FAM13C: variants seen among roughly 807,000 people sequenced by gnomAD.
FAM13C encodes family with sequence similarity 13 member C, also known as protein FAM13C.
Under a neutral mutation model 73.2 loss-of-function variants are expected in FAM13C, and 37 were observed. The ratio of observed to expected loss-of-function variants is 0.51; its 90% confidence interval spans 0.39 to 0.67. The LOEUF is 0.67. Among genes scored for constraint, FAM13C ranks in the 30% least tolerant of loss-of-function variants. The probability of loss-of-function intolerance (pLI) is 0.00; values close to 1 mark genes in which losing one functional copy is unlikely to be tolerated. For missense variants in FAM13C, 589 were observed against 715.6 expected, an observed-to-expected ratio of 0.82 and a Z score of 2.02; for synonymous variants, 246 against 260.9, an observed-to-expected ratio of 0.94 and a Z score of 0.55.
intron 1 of FAM13C, among the ~76,000 whole-genome samples, chr10:59,360,139 A>G (rs1589747625): frequency 1.3e-5 from 2 of 152,334 alleles, no homozygotes; most frequent in East Asian, 3.9e-4. Flanking sequence ...TGACTCTTCT[A>G]GGACTCCCAG....
chr10:59,256,590 T>C (rs1841966809), intron 10 of FAM13C, among the ~76,000 whole-genome samples: 2 of 152,176 alleles, frequency 1.3e-5, no homozygotes, highest in East Asian at 1.9e-4. Flanking sequence ...CATACCCTCA[T>C]GCATAGTAAG....
chr10:59,302,032 GC>G (rs59884223), intron 5 of FAM13C, among the ~76,000 whole-genome samples: 152,326 of 152,326 alleles, frequency 1, 76,163 homozygotes, highest in Non-Finnish European at 1. Context: ...TTGCGGTAAA[GC>G]CCCATCATTT....
chr10:59,265,615 T>G (rs1221209862), intron 8 of FAM13C, among the ~76,000 whole-genome samples: 1 of 152,110 alleles, frequency 6.6e-6, no homozygotes, highest in Non-Finnish European at 1.5e-5. Context: ...TGAAATATGG[T>G]AAAAACAAAC....
At chr10:59,274,120 T>C (rs1191489164) in intron 6 of FAM13C, among the ~76,000 whole-genome samples, 2 of 152,010 alleles carry the variant, frequency 1.3e-5, no homozygotes, top group African/African-American at 4.8e-5. Flanking sequence ...GCCTTAGCAT[T>C]CTCAACCAGC....
At chr10:59,329,363 T>A (rs1851647363) in intron 3 of FAM13C, among the ~76,000 whole-genome samples, 1 of 74,542 alleles carries the variant, frequency 1.3e-5, no homozygotes, top group Non-Finnish European at 2.6e-5. Flanking sequence ...TTTTTTTTTT[T>A]TTTTTTTTTT....
intron 3 of FAM13C, among the ~76,000 whole-genome samples, chr10:59,331,096 T>C (rs2134097729): frequency 6.6e-6 from 1 of 152,310 alleles, no homozygotes; most frequent in South Asian, 2.1e-4. Flanking sequence ...TCCTAGTTCC[T>C]GCCCTCAGGG....
intron 5 of FAM13C, chr10:59,283,733 G>C (rs1845209023): frequency 1.8e-6 from 1 of 569,150 alleles, no homozygotes; most frequent in Non-Finnish European, 3.1e-6. Flanking sequence ...TGGATTATCT[G>C]TGACACATGG....
intron 3 of FAM13C, among the ~76,000 whole-genome samples, chr10:59,342,104 C>A (rs1160232622): frequency 6.6e-6 from 1 of 152,118 alleles, no homozygotes; most frequent in Non-Finnish European, 1.5e-5. Flanking sequence ...TTCCTATTGA[C>A]TTGATGACAG....
intron 4 of FAM13C, among the ~76,000 whole-genome samples, chr10:59,321,206 A>C (rs1024391378): frequency 6.6e-6 from 1 of 152,060 alleles, no homozygotes; most frequent in Non-Finnish European, 1.5e-5. Context: ...GAGTGAGCCC[A>C]ATCTATTCAC....
At chr10:59,312,698 CT>C (rs1181233317) in intron 4 of FAM13C, among the ~76,000 whole-genome samples, 1 of 152,200 alleles carries the variant, frequency 6.6e-6, no homozygotes, top group Non-Finnish European at 1.5e-5. Flanking sequence ...CACACTCCAG[CT>C]TTACTTGTCT....
intron 3 of FAM13C, among the ~76,000 whole-genome samples, chr10:59,329,826 C>T (rs1192432985): frequency 6.6e-6 from 1 of 152,288 alleles, no homozygotes; most frequent in Non-Finnish European, 1.5e-5. Context: ...CTAAACTAGG[C>T]ACCTTCTATG....
intron 5 of FAM13C, among the ~76,000 whole-genome samples, chr10:59,289,636 A>G (rs1178977406): frequency 6.6e-6 from 1 of 152,244 alleles, no homozygotes. Context: ...CAAATCAAAA[A>G]ATCATGACAG....
intron 7 of FAM13C, among the ~76,000 whole-genome samples, chr10:59,269,134 C>A (rs1046963484): frequency 6.6e-6 from 1 of 152,012 alleles, no homozygotes; most frequent in Admixed American, 6.6e-5. Context: ...ATTGCATACA[C>A]CCCCTCACAT....
At position 59,352,325 on chromosome 10, in the gene FAM13C, C is replaced by T; in HGVS notation, c.269G>A (p.Arg90Lys). 2 of 1,614,178 alleles carry T rather than the reference C, an allele frequency of 1.2e-6. No homozygotes were observed. Among genetic ancestry groups the T allele is most frequent in the Non-Finnish European group, 1.7e-6 (2 of 1,180,038 alleles). ...LRPSMGNFKSRKPKSIFKAES... is the reference protein window; with the variant it reads ...LRPSMGNFKSKKPKSIFKAES... ...CGCTTTGAAGATGGACTTGGGCTTC[C>T]TGGACTTGAAGTTGCCCATGCTGGG... The change falls in exon 3 of 14, where the codon AGG (arginine) becomes AAG (lysine). Residue 90 changes from arginine to lysine, a missense_variant. Transcript: ENST00000618804.
chr10:59,252,537 AATG>A (rs1377027987), intron 12 of FAM13C, among the ~76,000 whole-genome samples: 1 of 152,026 alleles, frequency 6.6e-6, no homozygotes, highest in African/African-American at 2.4e-5. Flanking sequence ...TAATAATGAT[AATG>A]ATAATATTAA....
At position 59,355,910 on chromosome 10, in the gene FAM13C, G is replaced by GTAGAGAT; in HGVS notation, c.95_96insATCTCTA (p.Asp32GlufsTer6). ...ACCTGAGACTGGAGCAATCAGTCTGGTCTTCATGTAGAGAGACTGGATCTT... is the reference window on the plus strand; with the variant it reads ...ACCTGAGACTGGAGCAATCAGTCTGGTAGAGATTCTTCATGTAGAGAGACTGGATCTT... On this transcript the variant is annotated frameshift_variant, in exon 2 of 14. Coordinates refer to ENST00000618804, the MANE Select transcript of FAM13C (RefSeq NM_198215.4). LOFTEE classifies it high-confidence loss of function. 6.2e-7 allele frequency: 1 copy of GTAGAGAT among 1,614,016 alleles called. No individual in the cohort carries two copies.
chr10:59,278,973 C>T (rs1392075976), intron 6 of FAM13C, among the ~76,000 whole-genome samples: 2 of 152,212 alleles, frequency 1.3e-5, no homozygotes, highest in African/African-American at 2.4e-5. Context: ...CCCACATAGG[C>T]TGAAATATCA....
intron 10 of FAM13C, among the ~76,000 whole-genome samples, chr10:59,262,126 G>T (rs1347335804): frequency 6.6e-6 from 1 of 152,110 alleles, no homozygotes; most frequent in Non-Finnish European, 1.5e-5. Context: ...CTATTTCCTA[G>T]TCTTGGGTTC....
chr10:59,312,930 G>A (rs1166662753), intron 4 of FAM13C, among the ~76,000 whole-genome samples: 1 of 152,122 alleles, frequency 6.6e-6, no homozygotes, highest in African/African-American at 2.4e-5. Context: ...ATGCCCCCAT[G>A]TCACCCAACA....
Sources: gnomAD v4.1 joint callset for allele counts (sites outside exome capture counted in the v4.1 genomes callset) on GRCh38, gnomAD v4.1.1 for gene constraint, MANE v1.5 for transcripts, NCBI Gene and HGNC (gene_info 2026-07-23, HGNC 2026-07-21) for gene names.